Variants in CADPS2 observed in about 807,000 individuals in gnomAD.
CADPS2 encodes the protein calcium dependent secretion activator 2.
A neutral mutation model predicts 172.5 loss-of-function variants in CADPS2; 93 were observed. That is an observed-to-expected ratio of 0.54 (90% confidence interval 0.46 to 0.64). The LOEUF (loss-of-function observed/expected upper bound fraction) is 0.64, where lower values mean the gene tolerates loss of function less well. Ranked by LOEUF, CADPS2 falls within the 30% of genes least tolerant of loss-of-function variation. The pLI is 0.00. For synonymous variants in CADPS2, 546 were observed against 555.2 expected (o/e 0.98, Z 0.23); for missense variants, 1,420 against 1,565.9 (o/e 0.91, Z 1.57).
chr7:122,375,977 G>A (rs1018725604), intron 25 of CADPS2, among the ~76,000 whole-genome samples: 3 of 151,926 alleles, frequency 2.0e-5, no homozygotes, highest in Non-Finnish European at 4.4e-5. Flanking sequence ...ACAGGTATAC[G>A]AAAAGGAGCT....
At chr7:122,342,321 G>C (rs2036908725) in intron 28 of CADPS2, among the ~76,000 whole-genome samples, 1 of 152,100 alleles carries the variant, frequency 6.6e-6, no homozygotes, top group African/African-American at 2.4e-5. Flanking sequence ...CACGAATCTA[G>C]GCCAATGTCA....
At chr7:122,544,896 T>TC (rs1161455657) in intron 8 of CADPS2, among the ~76,000 whole-genome samples, 2 of 152,136 alleles carry the variant, frequency 1.3e-5, no homozygotes, top group African/African-American at 4.8e-5. Context: ...TTCACTTATC[T>TC]CCCCCTTTAA....
chr7:122,567,551 T>C (rs987187023), intron 7 of CADPS2, among the ~76,000 whole-genome samples: 16 of 152,284 alleles, frequency 1.1e-4, no homozygotes, highest in Non-Finnish European at 1.8e-4. Context: ...TCTAAACCTT[T>C]TCTGAACCTA....
intron 1 of CADPS2, among the ~76,000 whole-genome samples, chr7:122,772,315 T>A (rs1188743972): frequency 6.6e-6 from 1 of 152,198 alleles, no homozygotes. Flanking sequence ...GTGATTAACA[T>A]ATCACTTCAA....
chr7:122,541,855 ATT>A (rs1157183514), intron 8 of CADPS2, among the ~76,000 whole-genome samples: 1 of 82,078 alleles, frequency 1.2e-5, no homozygotes, highest in African/African-American at 3.2e-5. Flanking sequence ...ATTCATATAT[ATT>A]TATATATATG....
chr7:122,701,299 A>T (rs950081945), intron 2 of CADPS2, among the ~76,000 whole-genome samples: 2 of 152,208 alleles, frequency 1.3e-5, no homozygotes, highest in African/African-American at 4.8e-5. Context: ...AGGGACATGG[A>T]TGAAGCTGGA....
intron 20 of CADPS2, among the ~76,000 whole-genome samples, chr7:122,399,660 C>CTTTTTTTTTTTTTTTTTTTTTTTT (rs1008163151): frequency 7.8e-5 from 4 of 51,228 alleles, no homozygotes; most frequent in Non-Finnish European, 1.5e-4. Context: ...GGGTGGGTTT[C>CTTTTTTTTTTTTTTTTTTTTTTTT]TTTTTTTTTT....
chr7:122,345,294 T>A (rs758192508), intron 28 of CADPS2, among the ~76,000 whole-genome samples: 1 of 152,016 alleles, frequency 6.6e-6, no homozygotes, highest in African/African-American at 2.4e-5. Flanking sequence ...CCCAGCTATG[T>A]CTTTTATTTT....
intron 3 of CADPS2, among the ~76,000 whole-genome samples, chr7:122,653,765 C>T (rs969064096): frequency 6.6e-6 from 1 of 152,032 alleles, no homozygotes; most frequent in African/African-American, 2.4e-5. Flanking sequence ...ATCTGTGATC[C>T]GTGATCTTTG....
intron 6 of CADPS2, among the ~76,000 whole-genome samples, chr7:122,598,501 C>T (rs2133401708): frequency 6.6e-6 from 1 of 151,994 alleles, no homozygotes; most frequent in Admixed American, 6.6e-5. Context: ...GAGATTTGGG[C>T]CACAGAAAGT....
At chr7:122,725,514 T>C (rs1306359630) in intron 2 of CADPS2, among the ~76,000 whole-genome samples, 1 of 151,644 alleles carries the variant, frequency 6.6e-6, no homozygotes, top group Non-Finnish European at 1.5e-5. Context: ...AGTGTACACG[T>C]ACCCAATAGG....
intron 3 of CADPS2, among the ~76,000 whole-genome samples, chr7:122,653,486 C>A (rs1379960066): frequency 1.3e-5 from 2 of 152,178 alleles, no homozygotes; most frequent in Non-Finnish European, 2.9e-5. Flanking sequence ...TCTGTGATTT[C>A]TATTGCTTTG....
intron 17 of CADPS2, among the ~76,000 whole-genome samples, chr7:122,430,513 TGTTATCTCTGCATGCCAGA>T (rs773091199): frequency 3.9e-5 from 6 of 152,214 alleles, no homozygotes; most frequent in Non-Finnish European, 8.8e-5. Context: ...GATGCTTCAG[TGTTATCTCTGCATGCCAGA>T]ATTACAAGTA....
At chr7:122,870,422 T>C (rs990038596) in intron 1 of CADPS2, among the ~76,000 whole-genome samples, 3 of 151,982 alleles carry the variant, frequency 2.0e-5, no homozygotes, top group East Asian at 3.9e-4. Flanking sequence ...TGTAAATATA[T>C]GTGCATAGAA....
chr7:122,334,984 ATAAT>A (rs1280177710), intron 28 of CADPS2, among the ~76,000 whole-genome samples: 1 of 152,208 alleles, frequency 6.6e-6, no homozygotes, highest in East Asian at 1.9e-4. Context: ...CAATTAATAA[ATAAT>A]TAATAAGAGG....
At chr7:122,382,099 C>T (rs530223615) in intron 24 of CADPS2, 24 of 152,208 alleles carry the variant, frequency 1.6e-4, no homozygotes, top group African/African-American at 5.8e-4. Context: ...ATATGCCATA[C>T]ATAGGTATAC....
intron 15 of CADPS2, among the ~76,000 whole-genome samples, chr7:122,444,050 TTAAG>T (rs1416046121): frequency 2.0e-5 from 3 of 152,168 alleles, no homozygotes; most frequent in Non-Finnish European, 4.4e-5. Context: ...GTCTAGAATT[TTAAG>T]TAAGAGGAAA....
intron 6 of CADPS2, among the ~76,000 whole-genome samples, chr7:122,603,795 G>C (rs1044424876): frequency 6.6e-6 from 1 of 152,012 alleles, no homozygotes; most frequent in Non-Finnish European, 1.5e-5. Flanking sequence ...TTGAATTCTT[G>C]AAAAATTCTA....
At chr7:122,679,042 A>C (rs1211279146) in intron 2 of CADPS2, among the ~76,000 whole-genome samples, 2 of 152,118 alleles carry the variant, frequency 1.3e-5, no homozygotes, top group African/African-American at 4.8e-5. Flanking sequence ...TTGTTCGTAA[A>C]GCATGTGCGT....
Sources: gnomAD v4.1 joint callset for allele counts (sites outside exome capture counted in the v4.1 genomes callset) on GRCh38, gnomAD v4.1.1 for gene constraint, MANE v1.5 for transcripts, NCBI Gene and HGNC (gene_info 2026-07-23, HGNC 2026-07-21) for gene names.